The following IGFBP4 variants were observed in gnomAD, a reference collection of about 807,000 sequenced individuals.
IGFBP4 encodes the protein insulin-like growth factor-binding protein 4.
IGFBP4 carries 9 observed loss-of-function variants against 25.8 expected under a neutral mutation model. That is an observed-to-expected ratio of 0.35 (90% CI 0.21 to 0.61). The LOEUF is 0.61. IGFBP4 is among the 20% of genes least tolerant of loss of function. The pLI is 0.77. For synonymous variants in IGFBP4, 153 were observed against 153.9 expected, an observed-to-expected ratio of 0.99 and a Z score of 0.05; for missense variants, 315 against 365.3, an observed-to-expected ratio of 0.86 and a Z score of 1.12.
intron 1 of IGFBP4, among the ~76,000 whole-genome samples, chr17:40,445,179 T>A (rs2035637682): frequency 6.6e-6 from 1 of 152,200 alleles, no homozygotes; most frequent in Non-Finnish European, 1.5e-5. Flanking sequence ...CATCGTGCGT[T>A]TCTTTCTCCA....
intron 1 of IGFBP4, among the ~76,000 whole-genome samples, chr17:40,445,303 G>A (rs2035638277): frequency 6.6e-6 from 1 of 152,118 alleles, no homozygotes; most frequent in East Asian, 1.9e-4. Flanking sequence ...GAATCTCTCT[G>A]TCTGTCTTTC....
At chr17:40,444,221 G>A (rs2035627946) in intron 1 of IGFBP4, 137 bp downstream of exon 1, 3 of 711,298 alleles carry the variant, frequency 4.2e-6, no homozygotes. Context: ...GGCAGGGCCC[G>A]ACTGGCATGG....
In IGFBP4 at chr17:40,453,006, C is replaced by G. The variant is rs144152405; in HGVS notation, c.371C>G (p.Pro124Arg). The G allele has an allele frequency of 9.2e-5, 144 of 1,563,976 alleles. No individual in the cohort carries two copies. Among genetic ancestry groups the G allele is most frequent in the Admixed American group, 1.3e-4 (7 of 53,584 alleles). The change falls in exon 2 of 4, where the codon CCC (proline) becomes CGC (arginine). Residue 124 changes from proline to arginine, a missense_variant. Transcript: ENST00000269593. The surrounding 1 kb of genome is among the most constrained non-coding windows in gnomAD (Gnocchi z 4.0). ...QPSDKDEGDH[P>R]NNSFSPCSAH... ...ACAGACAAGGACGAGGGTGACCACC[C>G]CAACAACAGCTTCAGCCCCTGTAGC...
chr17:40,447,126 A>C (rs1468179063), intron 1 of IGFBP4, among the ~76,000 whole-genome samples: 2 of 151,814 alleles, frequency 1.3e-5, no homozygotes, highest in Non-Finnish European at 2.9e-5. Flanking sequence ...TGGCTGGGGG[A>C]GGGTGGCCAC....
At chr17:40,451,355 A>G (rs923567540) in intron 1 of IGFBP4, among the ~76,000 whole-genome samples, 3 of 152,152 alleles carry the variant, frequency 2.0e-5, no homozygotes, top group Non-Finnish European at 4.4e-5. Flanking sequence ...TTTTATTAAT[A>G]ACCTTTGGTG....
chr17:40,456,388 G>T, intron 3 of IGFBP4, 61 bp from the exon 4 acceptor site: 1 of 1,590,222 alleles, frequency 6.3e-7, no homozygotes, highest in Non-Finnish European at 8.6e-7. Context: ...GGATTGGGGT[G>T]GGTCACTTGG....
intron 1 of IGFBP4, among the ~76,000 whole-genome samples, chr17:40,451,775 G>A (rs1231228572): frequency 6.6e-6 from 1 of 152,170 alleles, no homozygotes; most frequent in South Asian, 2.1e-4. Context: ...GGAGGGAGGA[G>A]CAGTGGTTAC....
chr17:40,444,932 C>CAGAGAGAGAGAGAGAG (rs10603634), intron 1 of IGFBP4, among the ~76,000 whole-genome samples: 27 of 75,368 alleles, frequency 3.6e-4, no homozygotes, highest in South Asian at 4.9e-4. Flanking sequence ...CACACAGAGA[C>CAGAGAGAGAGAGAGAG]AGAGAGAGAG....
At chr17:40,455,863 C>T (rs997277795) in intron 3 of IGFBP4, among the ~76,000 whole-genome samples, 2 of 152,328 alleles carry the variant, frequency 1.3e-5, no homozygotes, top group Non-Finnish European at 2.9e-5. Context: ...ATCCTTCACT[C>T]CAAGATTAAT....
chr17:40,448,455 A>G (rs1205293545), intron 1 of IGFBP4, among the ~76,000 whole-genome samples: 2 of 152,208 alleles, frequency 1.3e-5, no homozygotes, highest in Non-Finnish European at 2.9e-5. Context: ...GCCTACTTGG[A>G]AGTCCCATCT....
At chr17:40,444,191 T>G in intron 1 of IGFBP4, 107 bp downstream of exon 1, 2 of 854,338 alleles carry the variant, frequency 2.3e-6, no homozygotes, top group Non-Finnish European at 3.7e-6. Context: ...CCCTATGAGT[T>G]GAAGAGAAGG....
chr17:40,445,826 G>A (rs948704623), intron 1 of IGFBP4, among the ~76,000 whole-genome samples: 2 of 152,116 alleles, frequency 1.3e-5, no homozygotes, highest in Non-Finnish European at 2.9e-5. Flanking sequence ...CAGCCAGAGG[G>A]TATCTGGCAC....
Position 40,453,654 on chromosome 17 carries a change from A to G in IGFBP4, c.508-274A>G, listed in dbSNP as rs1485938902. ...AATCACCCCCTCCCTGGCTTTCTGC[A>G]TAGGTTCCCACAGCCCCTTTCCCCA... On this transcript the variant is annotated intron_variant, in intron 2 of 3. Coordinates refer to ENST00000269593, the MANE Select transcript of IGFBP4 (RefSeq NM_001552.3). This position sits in a 1 kb window ranked among gnomAD's most constrained non-coding sequence, Gnocchi z 4.0. 6.6e-6 allele frequency among the ~76,000 whole-genome samples: 1 copy of G among 151,994 alleles called. No individual in the cohort carries two copies. Among genetic ancestry groups the G allele is most frequent in the African/African-American group, 2.4e-5 (1 of 41,386 alleles).
In IGFBP4 at chr17:40,444,030, G is replaced by T. The variant is rs1356765114; in HGVS notation, c.295G>T (p.Val99Leu). 1 of 1,538,836 alleles carries T rather than the reference G, an allele frequency of 6.5e-7. No individual in the cohort carries two copies. Among genetic ancestry groups the T allele is most frequent in the Non-Finnish European group, 8.7e-7 (1 of 1,148,020 alleles). Residue 99 changes from valine to leucine, a missense_variant, in exon 1 of 4, where the codon GTG (valine) becomes TTG (leucine). Val to Leu is a conservative substitution (Grantham distance 32). Coordinates refer to ENST00000269593, the MANE Select transcript of IGFBP4 (RefSeq NM_001552.3). Reference sequence around the variant, plus strand: ...GCACACACTGATGCACGGGCAAGGCGTGTGCATGGAGCTGGCGGAGATCGA... The same window carrying T: ...GCACACACTGATGCACGGGCAAGGCTTGTGCATGGAGCTGGCGGAGATCGA... ...PLHTLMHGQGVCMELAEIEAI... is the reference protein window; with the variant it reads ...PLHTLMHGQGLCMELAEIEAI...
chr17:40,457,318 G>A lies in IGFBP4; in HGVS notation c.*735G>A, dbSNP rs1045141553. The stretch of plus-strand genomic sequence containing the variant: ...AGAGCCCTGCTGTGGGAGAGCGAAG[G>A]GGGTCAAAGGAAGACTTGAAGCACA... On this transcript the variant is annotated 3_prime_UTR_variant, in exon 4 of 4. Coordinates refer to ENST00000269593, the MANE Select transcript of IGFBP4 (RefSeq NM_001552.3). The A allele has an allele frequency of 3.9e-5, 6 of 152,290 alleles. No homozygotes were observed. In the East Asian group the frequency reaches 1.2e-3, roughly 29 times the overall value. 9.4% of individuals were successfully genotyped at this position (152,290 alleles called of 1,614,324 possible).
chr17:40,450,165 A>C (rs2035674170), intron 1 of IGFBP4, among the ~76,000 whole-genome samples: 1 of 151,954 alleles, frequency 6.6e-6, no homozygotes, highest in Non-Finnish European at 1.5e-5. Context: ...GCATCACCAC[A>C]CCAGGCTAAT....
rs1567798964 is a variant in IGFBP4, at chr17:40,443,481, CCGCCTGCCTGGGCCGGGCCG to C, written c.-254_-235del. ...TCAGCCCCCTGCCCCTCGCCGCCCG[CCGCCTGCCTGGGCCGGGCCG>C]AGGATGCGGCGCAGCGCCTCGGCGG... On this transcript the variant is annotated 5_prime_UTR_variant, in exon 1 of 4. Coordinates refer to ENST00000269593, the MANE Select transcript of IGFBP4 (RefSeq NM_001552.3). 6.3e-6 allele frequency: 1 copy of C among 158,152 alleles called. No homozygotes were observed. Among genetic ancestry groups the C allele is most frequent in the Admixed American group, 6.5e-5 (1 of 15,500 alleles). 9.8% of individuals were successfully genotyped at this position (158,152 alleles called of 1,614,324 possible).
chr17:40,454,140 G>A, intron 3 of IGFBP4, 78 bp downstream of exon 3: 1 of 1,510,836 alleles, frequency 6.6e-7, no homozygotes, highest in South Asian at 1.3e-5. Flanking sequence ...GATGGTCCTG[G>A]ATGGAGATCT....
intron 1 of IGFBP4, among the ~76,000 whole-genome samples, chr17:40,448,863 G>T (rs1036957872): frequency 1.3e-5 from 2 of 152,188 alleles, no homozygotes; most frequent in Non-Finnish European, 2.9e-5. Flanking sequence ...CTCTGACCAG[G>T]GCAGGGTCAG....
Sources: allele counts gnomAD v4.1 joint callset (sites outside exome capture counted in the v4.1 genomes callset), GRCh38; gene constraint gnomAD v4.1.1; non-coding constraint Gnocchi (gnomAD v3.1); transcripts MANE v1.5; gene names NCBI Gene and HGNC (gene_info 2026-07-23, HGNC 2026-07-21).